GPR149: variants seen among roughly 807,000 people sequenced by gnomAD.
The protein encoded by GPR149 is probable G protein-coupled receptor 149.
A neutral mutation model predicts 50.2 loss-of-function variants in GPR149; 50 were observed. The observed-to-expected ratio is 1.00, with a 90% CI of 0.79 to 1.26. GPR149 has a LOEUF of 1.26. GPR149 is among the 50% of genes most tolerant of loss of function. GPR149 has a pLI of 0.00. For synonymous variants in GPR149, 405 were observed against 358.2 expected (o/e 1.13, Z -1.48); for missense variants, 983 against 895.4 (o/e 1.10, Z -1.25).
intron 3 of GPR149, among the ~76,000 whole-genome samples, chr3:154,360,779 T>C (rs56054680): frequency 0.24 from 36,908 of 152,060 alleles, 4,730 homozygotes; most frequent in South Asian, 0.32. Flanking sequence ...AATTTCTAGG[T>C]AGTATAATTT....
chr3:154,421,441 A>G lies in GPR149; in HGVS notation c.1221T>C (p.Tyr407=). The G allele has an allele frequency of 6.3e-7, 1 of 1,598,596 alleles. No homozygotes were observed. The highest frequency in any genetic ancestry group is 8.5e-7 in the Non-Finnish European group (1 of 1,173,682). Residue 407 remains tyrosine, a synonymous_variant, in exon 3 of 4, where the codon TAT becomes TAC. Coordinates refer to ENST00000389740, the MANE Select transcript of GPR149 (RefSeq NM_001038705.3). ...FEFNLSFQKS[Y]GIYKIAHEDY... ...CTTCATGTGCTATTTTATAAATCCC[A>G]TAACTTTTTTGGAATGATAGATTGA...
intron 3 of GPR149, among the ~76,000 whole-genome samples, chr3:154,356,079 G>A (rs931845868): frequency 2.0e-5 from 3 of 152,180 alleles, no homozygotes; most frequent in African/African-American, 7.2e-5. Flanking sequence ...AAGAGTAAAT[G>A]AGCACTTGGG....
chr3:154,412,787 G>A (rs906620250), intron 3 of GPR149, among the ~76,000 whole-genome samples: 1 of 151,938 alleles, frequency 6.6e-6, no homozygotes, highest in Non-Finnish European at 1.5e-5. Flanking sequence ...TTCCTTCACA[G>A]AACTAGAAAA....
chr3:154,365,705 T>G (rs1382030601), intron 3 of GPR149, among the ~76,000 whole-genome samples: 1 of 152,212 alleles, frequency 6.6e-6, no homozygotes. Context: ...CCACAAAGGA[T>G]TAGGACATGA....
intron 3 of GPR149, among the ~76,000 whole-genome samples, chr3:154,415,650 T>C (rs535841115): frequency 2.0e-5 from 3 of 151,996 alleles, no homozygotes; most frequent in Non-Finnish European, 2.9e-5. Context: ...AGTAAAAATA[T>C]ATGCATAGAA....
At chr3:154,407,244 A>G (rs1018388772) in intron 3 of GPR149, among the ~76,000 whole-genome samples, 4 of 152,204 alleles carry the variant, frequency 2.6e-5, no homozygotes, top group African/African-American at 9.7e-5. Flanking sequence ...TGCTTCACAT[A>G]GTCAAATATA....
intron 3 of GPR149, among the ~76,000 whole-genome samples, chr3:154,372,817 C>A (rs1157495283): frequency 2.0e-5 from 3 of 152,114 alleles, no homozygotes; most frequent in Non-Finnish European, 4.4e-5. Flanking sequence ...AGAATGTAGA[C>A]CAAGTACGTG....
rs527612893 is a variant in GPR149, at chr3:154,373,551, CTT to C, written c.1624-35282_1624-35281del. Among the ~76,000 whole-genome samples the C allele has an allele frequency of 1.2e-4, 18 of 152,272 alleles. 1 individual carries two copies. The South Asian group carries it at 3.7e-3, about 32-fold the overall frequency. ...CAGTTTCAATTTTATAAAATCCTCTCTTGTTATGTTTGTTTGTATCTGTCAGA... is the reference window on the plus strand; with the variant it reads ...CAGTTTCAATTTTATAAAATCCTCTCGTTATGTTTGTTTGTATCTGTCAGA... On this transcript the variant is annotated intron_variant, in intron 3 of 3. Coordinates refer to ENST00000389740, the MANE Select transcript of GPR149 (RefSeq NM_001038705.3).
At chr3:154,424,651 C>A (rs1712243963) in intron 2 of GPR149, among the ~76,000 whole-genome samples, 1 of 151,570 alleles carries the variant, frequency 6.6e-6, no homozygotes, top group South Asian at 2.1e-4. Flanking sequence ...AGAATATTGT[C>A]TAGAATCTTT....
At chr3:154,352,957 C>A in intron 3 of GPR149, 1 of 957,022 alleles carries the variant, frequency 1.0e-6, no homozygotes, top group South Asian at 1.3e-5. Context: ...TGTTGAATCA[C>A]CAGGTCTACT....
intron 3 of GPR149, among the ~76,000 whole-genome samples, chr3:154,367,877 C>T (rs1472994124): frequency 1.3e-5 from 2 of 152,180 alleles, no homozygotes; most frequent in East Asian, 3.9e-4. Flanking sequence ...AGACCTCTTT[C>T]GCTTGCTATT....
At chr3:154,371,200 G>A (rs1022392626) in intron 3 of GPR149, among the ~76,000 whole-genome samples, 5 of 152,176 alleles carry the variant, frequency 3.3e-5, no homozygotes, top group Admixed American at 6.5e-5. Context: ...TGCAATAACC[G>A]AATGCTAGGA....
chr3:154,361,414 T>C (rs1329501415), intron 3 of GPR149, among the ~76,000 whole-genome samples: 2 of 152,226 alleles, frequency 1.3e-5, no homozygotes, highest in African/African-American at 2.4e-5. Flanking sequence ...TAATAAAATC[T>C]AGATGTTTCT....
At chr3:154,341,230 T>C (rs947050203) in intron 3 of GPR149, among the ~76,000 whole-genome samples, 1 of 146,288 alleles carries the variant, frequency 6.8e-6, no homozygotes, top group African/African-American at 2.5e-5. Flanking sequence ...ATAATATCCA[T>C]ATTATTGTCT....
At chr3:154,403,174 T>G (rs147845768) in intron 3 of GPR149, among the ~76,000 whole-genome samples, 121 of 152,318 alleles carry the variant, frequency 7.9e-4, no homozygotes, top group African/African-American at 2.6e-3. Flanking sequence ...ATTAAGTTCA[T>G]AGGTGACACA....
chr3:154,369,045 G>A (rs1470977457), intron 3 of GPR149, among the ~76,000 whole-genome samples: 1 of 152,216 alleles, frequency 6.6e-6, no homozygotes, highest in African/African-American at 2.4e-5. Flanking sequence ...GGTACATGGA[G>A]GGCTCAGGAA....
chr3:154,364,201 G>C (rs776400971), intron 3 of GPR149, among the ~76,000 whole-genome samples: 1 of 152,162 alleles, frequency 6.6e-6, no homozygotes, highest in African/African-American at 2.4e-5. Flanking sequence ...CCATTCATGA[G>C]GGCAGAACCC....
At chr3:154,407,842 C>G (rs1163248012) in intron 3 of GPR149, among the ~76,000 whole-genome samples, 1 of 151,942 alleles carries the variant, frequency 6.6e-6, no homozygotes, top group Non-Finnish European at 1.5e-5. Context: ...ATTAAAGGAA[C>G]CAGAGCTCCT....
At chr3:154,400,011 G>A (rs1383712634) in intron 3 of GPR149, among the ~76,000 whole-genome samples, 1 of 152,114 alleles carries the variant, frequency 6.6e-6, no homozygotes, top group African/African-American at 2.4e-5. Flanking sequence ...TTTTGAGACG[G>A]AGTCTCACTC....
Sources: gnomAD v4.1 joint callset for allele counts (sites outside exome capture counted in the v4.1 genomes callset) on GRCh38, gnomAD v4.1.1 for gene constraint, MANE v1.5 for transcripts, NCBI Gene and HGNC (gene_info 2026-07-23, HGNC 2026-07-21) for gene names.